PARG: variants seen among roughly 807,000 people sequenced by gnomAD.
PARG encodes the protein poly(ADP-ribose) glycohydrolase, also known as mitochondrial poly(ADP-ribose) glycohydrolase.
Under a neutral mutation model 113.0 loss-of-function variants are expected in PARG, and 35 were observed. That is an observed-to-expected ratio of 0.31 (90% CI 0.24 to 0.41). The LOEUF (loss-of-function observed/expected upper bound fraction) is 0.41, where lower values mean the gene tolerates loss of function less well. Ranked by LOEUF, PARG falls within the 10% of genes least tolerant of loss-of-function variation. The probability of loss-of-function intolerance (pLI) is 1.00; values close to 1 mark genes in which losing one functional copy is unlikely to be tolerated. For missense variants in PARG, 797 were observed against 1,169.4 expected (o/e 0.68, Z 4.64); for synonymous variants, 330 against 409.9 (o/e 0.81, Z 2.36).
intron 15 of PARG, among the ~76,000 whole-genome samples, chr10:49,835,697 AG>A (rs2132414687): frequency 6.6e-6 from 1 of 152,262 alleles, no homozygotes; most frequent in East Asian, 1.9e-4. Context: ...AATGAGGCCC[AG>A]GAAAGAAATG....
At chr10:49,904,032 G>C (rs1554844233) in intron 7 of PARG, among the ~76,000 whole-genome samples, 1 of 151,986 alleles carries the variant, frequency 6.6e-6, no homozygotes, top group Non-Finnish European at 1.5e-5. Flanking sequence ...GAGGAGACAA[G>C]TGTAACAGAA....
At chr10:49,895,917 T>C (rs1180247100) in intron 7 of PARG, among the ~76,000 whole-genome samples, 4 of 152,212 alleles carry the variant, frequency 2.6e-5, no homozygotes, top group Non-Finnish European at 4.4e-5. Context: ...ATGGCAAGTA[T>C]ATAAAAATAT....
intron 13 of PARG, among the ~76,000 whole-genome samples, chr10:49,851,950 C>T (rs1216931173): frequency 1.3e-5 from 2 of 150,208 alleles, no homozygotes; most frequent in African/African-American, 4.9e-5. Context: ...TGACCTGTTT[C>T]ATATTCTTTT....
At chr10:49,824,273 C>T (rs1398865936) in intron 16 of PARG, among the ~76,000 whole-genome samples, 1 of 152,056 alleles carries the variant, frequency 6.6e-6, no homozygotes, top group African/African-American at 2.4e-5. Flanking sequence ...GTCTTCAGGC[C>T]TCCTTGTCTA....
intron 6 of PARG, among the ~76,000 whole-genome samples, chr10:49,917,579 G>A (rs1411157091): frequency 1.3e-5 from 2 of 151,364 alleles, no homozygotes; most frequent in African/African-American, 2.4e-5. Context: ...AGCACACTCC[G>A]GGAGGCCGAG....
At chr10:49,848,104 G>A (rs1319288032) in intron 13 of PARG, among the ~76,000 whole-genome samples, 7 of 151,526 alleles carry the variant, frequency 4.6e-5, no homozygotes, top group Non-Finnish European at 1.0e-4. Flanking sequence ...TAATCCCAGC[G>A]CTTTGGGAGG....
chr10:49,883,994 A>G (rs1402601839), intron 8 of PARG, among the ~76,000 whole-genome samples: 3 of 151,950 alleles, frequency 2.0e-5, no homozygotes, highest in Non-Finnish European at 2.9e-5. Context: ...TTATGTCATA[A>G]GGACAATCAA....
rs1421237424 is a variant in PARG at position 49,819,366 on chromosome 10, G to C, written c.2905C>G (p.His969Asp). 6.4e-7 allele frequency: 1 copy of C among 1,551,502 alleles called. No individual in the cohort carries two copies. Among genetic ancestry groups the C allele is most frequent in the East Asian group, 2.4e-5 (1 of 40,912 alleles). Residue 969 changes from histidine to aspartate, a missense_variant, in exon 18 of 18, where the codon CAT becomes GAT. Physicochemically the swap from His to Asp is moderately conservative, Grantham distance 81. Coordinates refer to ENST00000616448, the MANE Select transcript of PARG (RefSeq NM_003631.5). ...CAGGTCCCTGTCCTTTGCCCTGAAT[G>C]GTCAGCGGTCTCTGCACAGGACTCG... ...AVESCAETAD[H>D]SGQRTGT
intron 9 of PARG, among the ~76,000 whole-genome samples, chr10:49,878,324 C>G (rs1847044204): frequency 7.0e-6 from 1 of 143,526 alleles, no homozygotes; most frequent in Admixed American, 7.1e-5. Flanking sequence ...ACTAGAAAAA[C>G]TGGTAGAATC....
chr10:49,820,663 AG>A (rs1461630254), intron 16 of PARG, among the ~76,000 whole-genome samples: 1 of 150,458 alleles, frequency 6.6e-6, no homozygotes, highest in Non-Finnish European at 1.5e-5. Flanking sequence ...TGGAGGTGGC[AG>A]GTGAGCCGAG....
intron 13 of PARG, among the ~76,000 whole-genome samples, chr10:49,849,566 G>C (rs2664633): frequency 1.1e-4 from 16 of 152,160 alleles, no homozygotes; most frequent in East Asian, 3.8e-4. Context: ...TTAAACAAAA[G>C]ATAGCTTCAT....
intron 7 of PARG, among the ~76,000 whole-genome samples, chr10:49,891,408 G>A (rs1847775213): frequency 6.6e-6 from 1 of 150,992 alleles, no homozygotes; most frequent in Admixed American, 6.6e-5. Context: ...TTTCTCTATT[G>A]GTCTAAACCT....
At chr10:49,840,322 G>GA (rs1187290772) in intron 15 of PARG, among the ~76,000 whole-genome samples, 1 of 151,168 alleles carries the variant, frequency 6.6e-6, no homozygotes, top group Non-Finnish European at 1.5e-5. Context: ...CAGAGAAGTT[G>GA]AGAGTCTGCA....
chr10:49,926,964 T>C (rs1261552882), intron 4 of PARG, among the ~76,000 whole-genome samples: 1 of 152,178 alleles, frequency 6.6e-6, no homozygotes, highest in East Asian at 1.9e-4. Context: ...TTGGCTTTAC[T>C]GCACTGGGTG....
chr10:49,841,820 T>G (rs1845254161), intron 15 of PARG, 130 bp downstream of exon 15: 1 of 639,056 alleles, frequency 1.6e-6, no homozygotes. Flanking sequence ...ACAGAGCCAT[T>G]AAATCAGGAG....
At chr10:49,887,788 G>A (rs1847570747) in intron 7 of PARG, among the ~76,000 whole-genome samples, 1 of 152,020 alleles carries the variant, frequency 6.6e-6, no homozygotes, top group South Asian at 2.1e-4. Context: ...CTATATTGTT[G>A]TCTGAAATCA....
At chr10:49,820,136 A>C (rs952913248) in intron 17 of PARG, 29 bp downstream of exon 17, 7 of 1,480,702 alleles carry the variant, frequency 4.7e-6, no homozygotes, top group East Asian at 4.9e-5. Flanking sequence ...CCATCTAGAT[A>C]CCAAGTGTCA....
chr10:49,937,628 C>T (rs1244029845), intron 1 of PARG, among the ~76,000 whole-genome samples: 4 of 152,108 alleles, frequency 2.6e-5, no homozygotes, highest in Non-Finnish European at 5.9e-5. Context: ...ACACGAAGCA[C>T]GTACTCCTGT....
chr10:49,917,512 A>G (rs1837559965), intron 6 of PARG, among the ~76,000 whole-genome samples: 1 of 150,698 alleles, frequency 6.6e-6, no homozygotes, highest in East Asian at 1.9e-4. Flanking sequence ...AAAAAAGAAA[A>G]AAAGAAAAAA....
Sources: gnomAD v4.1 joint callset for allele counts (sites outside exome capture counted in the v4.1 genomes callset) on GRCh38, gnomAD v4.1.1 for gene constraint, MANE v1.5 for transcripts, NCBI Gene and HGNC (gene_info 2026-07-23, HGNC 2026-07-21) for gene names.